The following UBE2Q2 variants were observed in gnomAD, a reference collection of about 807,000 sequenced individuals.
UBE2Q2 encodes ubiquitin conjugating enzyme E2 Q2.
A neutral mutation model predicts 59.9 loss-of-function variants in UBE2Q2; 54 were observed. The observed-to-expected ratio is 0.90, with a 90% CI of 0.72 to 1.13. UBE2Q2 has a LOEUF of 1.13. Ranked by LOEUF, UBE2Q2 falls within the 50% of genes most tolerant of loss-of-function variation. UBE2Q2 has a pLI of 0.00. For synonymous variants in UBE2Q2, 165 were observed against 155.2 expected, an observed-to-expected ratio of 1.06 and a Z score of -0.47; for missense variants, 433 against 441.9, an observed-to-expected ratio of 0.98 and a Z score of 0.18.
chr15:75,879,351 G>A (rs1898267985), intron 8 of UBE2Q2, among the ~76,000 whole-genome samples, 163 bp downstream of exon 8: 1 of 152,162 alleles, frequency 6.6e-6, no homozygotes, highest in African/African-American at 2.4e-5. Context: ...AGGCGTACCA[G>A]GAGACACAGG....
chr15:75,880,714 T>C (rs1251229239), intron 8 of UBE2Q2, among the ~76,000 whole-genome samples: 1 of 152,094 alleles, frequency 6.6e-6, no homozygotes, highest in African/African-American at 2.4e-5. Context: ...TTGGCCAGGC[T>C]GGTTTTGAAC....
intron 4 of UBE2Q2, among the ~76,000 whole-genome samples, chr15:75,871,264 T>C (rs1897770947): frequency 6.6e-6 from 1 of 152,214 alleles, no homozygotes; most frequent in Non-Finnish European, 1.5e-5. Context: ...CCTATCTCAG[T>C]AGATGGAACG....
intron 1 of UBE2Q2, among the ~76,000 whole-genome samples, chr15:75,846,070 A>G (rs1025682420): frequency 1.3e-5 from 2 of 152,220 alleles, no homozygotes; most frequent in Non-Finnish European, 2.9e-5. Context: ...AAAATCATCA[A>G]ATGTACAAAA....
At chr15:75,893,510 A>G (rs1269541237) in intron 11 of UBE2Q2, among the ~76,000 whole-genome samples, 4 of 152,332 alleles carry the variant, frequency 2.6e-5, no homozygotes, top group East Asian at 1.9e-4. Flanking sequence ...AGATTTCAAC[A>G]TACCCTGTGT....
intron 5 of UBE2Q2, among the ~76,000 whole-genome samples, chr15:75,873,821 A>G (rs1392589528): frequency 6.6e-6 from 1 of 152,072 alleles, no homozygotes; most frequent in African/African-American, 2.4e-5. Flanking sequence ...TCAGCCTCCC[A>G]AGTAGCTTGG....
intron 8 of UBE2Q2, among the ~76,000 whole-genome samples, chr15:75,881,005 A>G (rs979503105): frequency 6.6e-6 from 1 of 152,192 alleles, no homozygotes; most frequent in East Asian, 1.9e-4. Flanking sequence ...CACTTTTGTT[A>G]TTATAGAAAC....
In UBE2Q2 at chr15:75,879,291, T is replaced by C. The variant is rs1432465010; in HGVS notation, c.825+103T>C. The C allele has an allele frequency of 8.0e-6, 5 of 624,172 alleles. No homozygotes were observed. The African/African-American group carries it at 9.5e-5, about 12-fold the overall frequency. 38.7% of individuals were successfully genotyped at this position (624,172 alleles called of 1,614,324 possible). On this transcript the variant is annotated intron_variant, in intron 8 of 12. Coordinates refer to ENST00000267938, the MANE Select transcript of UBE2Q2 (RefSeq NM_173469.4). ...GGTAAAGTAGAAGATACTCATACCC[T>C]ATGGTTCAGGAATCTCGTAGACATA...
chr15:75,873,571 A>C lies in UBE2Q2; in HGVS notation c.588+3A>C. 1 of 1,610,788 alleles carries C rather than the reference A, an allele frequency of 6.2e-7. No homozygotes were observed. Among genetic ancestry groups the C allele is most frequent in the Non-Finnish European group, 8.5e-7 (1 of 1,178,818 alleles). ...CTCAAAGGCAAGACCATTTAAATGT[A>C]AGTGTGTGTAGATATCTAGAACCTG... On this transcript the variant is annotated splice_donor_region_variant and intron_variant, in intron 5 of 12. Transcript: ENST00000267938.
chr15:75,859,882 G>A lies in UBE2Q2; in HGVS notation c.287G>A (p.Arg96His), dbSNP rs183750720. The A allele has an allele frequency of 1.3e-4, 199 of 1,584,206 alleles. 2 individuals are homozygous for A. The East Asian group carries it at 2.3e-3, about 19-fold the overall frequency. ...LEDTKNNNLLRQQLKWLICEL... is the reference protein window; with the variant it reads ...LEDTKNNNLLHQQLKWLICEL... ...TTACTGAAATGTGTTTTGTAGCTTC[G>A]TCAGCAATTGAAGTGGTTGATATGT... Residue 96 changes from arginine to histidine, a missense_variant, in exon 3 of 13, where the codon CGT becomes CAT. By Grantham distance (29) the Arg-to-His change is conservative. Transcript: ENST00000267938.
chr15:75,898,860 A>G (rs1468756208), intron 12 of UBE2Q2, among the ~76,000 whole-genome samples: 1 of 152,192 alleles, frequency 6.6e-6, no homozygotes, highest in Non-Finnish European at 1.5e-5. Context: ...AGATGCCATT[A>G]ATACAGAGCT....
At position 75,899,761 on chromosome 15, in the gene UBE2Q2, C is replaced by T; in HGVS notation, c.*303C>T. On this transcript the variant is annotated 3_prime_UTR_variant, in exon 13 of 13. Coordinates refer to ENST00000267938, the MANE Select transcript of UBE2Q2 (RefSeq NM_173469.4). ...CTTTTTAAAGCAGCCAAGTCAACAT[C>T]AGGCTACTGAAGTTGAGGCTTTAGG... 5.0e-6 allele frequency: 1 copy of T among 198,086 alleles called. No individual in the cohort carries two copies. Among genetic ancestry groups the T allele is most frequent in the Non-Finnish European group, 1.0e-5 (1 of 98,570 alleles). 12.3% of individuals were successfully genotyped at this position (198,086 alleles called of 1,614,324 possible). A position where few individuals can be genotyped will look rare whatever the true frequency, so the allele number is the denominator to read the frequency against.
intron 4 of UBE2Q2, among the ~76,000 whole-genome samples, chr15:75,871,032 T>C (rs1356555623): frequency 6.6e-6 from 1 of 152,208 alleles, no homozygotes; most frequent in Non-Finnish European, 1.5e-5. Flanking sequence ...TATTTATTGA[T>C]CATTTGTAGG....
chr15:75,867,154 A>G (rs1156929735), intron 3 of UBE2Q2, among the ~76,000 whole-genome samples: 1 of 152,154 alleles, frequency 6.6e-6, no homozygotes, highest in Admixed American at 6.5e-5. Context: ...TGAGCTTTCC[A>G]GCTCCTGAGC....
At chr15:75,890,810 C>CT in intron 10 of UBE2Q2, 109 bp from the exon 11 acceptor site, 1 of 924,420 alleles carries the variant, frequency 1.1e-6, no homozygotes. Flanking sequence ...TGACTACAGT[C>CT]TTTTTAACAC....
At chr15:75,884,440 T>C (rs1898639729) in intron 9 of UBE2Q2, among the ~76,000 whole-genome samples, 1 of 152,214 alleles carries the variant, frequency 6.6e-6, no homozygotes, top group South Asian at 2.1e-4. Context: ...ATATGTGTTT[T>C]GGGGGCTAAA....
At chr15:75,846,795 G>A (rs1896375002) in intron 1 of UBE2Q2, among the ~76,000 whole-genome samples, 1 of 152,120 alleles carries the variant, frequency 6.6e-6, no homozygotes, top group Non-Finnish European at 1.5e-5. Flanking sequence ...ACATCCTTAT[G>A]CAGTTTCTCT....
intron 8 of UBE2Q2, among the ~76,000 whole-genome samples, chr15:75,880,115 T>A (rs1303663893): frequency 6.6e-6 from 1 of 152,142 alleles, no homozygotes. Flanking sequence ...TTTTTTTGTT[T>A]GTTTGTTTGT....
chr15:75,887,536 C>T (rs897921961), intron 9 of UBE2Q2, among the ~76,000 whole-genome samples: 5 of 149,168 alleles, frequency 3.4e-5, no homozygotes, highest in African/African-American at 1.2e-4. Context: ...ATATCTTGTA[C>T]TTAAACAGGT....
intron 3 of UBE2Q2, among the ~76,000 whole-genome samples, chr15:75,865,577 T>C (rs894512357): frequency 5.3e-5 from 8 of 152,114 alleles, no homozygotes; most frequent in African/African-American, 1.9e-4. Flanking sequence ...TCAAGAGTTA[T>C]CTAGGAAAAA....
Sources: gnomAD v4.1 joint callset for allele counts (sites outside exome capture counted in the v4.1 genomes callset) on GRCh38, gnomAD v4.1.1 for gene constraint, MANE v1.5 for transcripts, NCBI Gene and HGNC (gene_info 2026-07-23, HGNC 2026-07-21) for gene names.